RP1: variants seen among roughly 807,000 people sequenced by gnomAD.
RP1 encodes the protein oxygen-regulated protein 1.
Under a neutral mutation model 14.8 loss-of-function variants are expected in RP1, and 16 were observed. The ratio of observed to expected loss-of-function variants is 1.08; its 90% confidence interval spans 0.73 to 1.65. RP1 has a LOEUF of 1.65. RP1 is among the 40% of genes most tolerant of loss of function. The pLI is 0.00. For missense variants in RP1, 2,631 were observed against 2,535.0 expected, an observed-to-expected ratio of 1.04 and a Z score of -0.81; for synonymous variants, 876 against 883.6, an observed-to-expected ratio of 0.99 and a Z score of 0.15.
At chr8:54,652,047 G>T (rs1024524058) in intron 4 of RP1, among the ~76,000 whole-genome samples, 4 of 146,914 alleles carry the variant, frequency 2.7e-5, no homozygotes, top group African/African-American at 1.0e-4. Context: ...TATCTCTCTC[G>T]CACAGGCTGG....
intron 16 of RP1, chr8:54,726,253 A>C: frequency 7.3e-7 from 1 of 1,364,136 alleles, no homozygotes; most frequent in Admixed American, 3.1e-5. Context: ...CAATAGCAAA[A>C]ATTAAACTTG....
downstream of RP1, among the ~76,000 whole-genome samples, chr8:54,635,061 A>G (rs1302423162): frequency 3.3e-5 from 5 of 151,746 alleles, no homozygotes; most frequent in African/African-American, 1.2e-4. Flanking sequence ...CAGCCTGGGC[A>G]ACAGAGCGAG....
At chr8:54,748,785 G>C (rs981774870) in intron 19 of RP1, among the ~76,000 whole-genome samples, 2 of 152,078 alleles carry the variant, frequency 1.3e-5, no homozygotes, top group African/African-American at 4.8e-5. Flanking sequence ...GTGACTATTT[G>C]CCTTTATTTT....
At chr8:54,734,128 C>T (rs1808856475) in intron 17 of RP1, among the ~76,000 whole-genome samples, 1 of 152,080 alleles carries the variant, frequency 6.6e-6, no homozygotes, top group Non-Finnish European at 1.5e-5. Context: ...TTGCCACTTA[C>T]CTATTTTATG....
intron 3 of RP1, among the ~76,000 whole-genome samples, chr8:54,642,587 A>C (rs1268815041): frequency 7.9e-5 from 12 of 152,122 alleles, no homozygotes; most frequent in Non-Finnish European, 1.5e-5. Context: ...TGTGTGTTGC[A>C]CTGAGTCAAA....
At chr8:54,681,482 TTGTGTGTGTGTGTGTG>T (rs3049538) in intron 12 of RP1, among the ~76,000 whole-genome samples, 231 of 141,778 alleles carry the variant, frequency 1.6e-3, no homozygotes, top group African/African-American at 5.3e-3. Flanking sequence ...ATTTTTTGAT[TTGTGTGTGTGTGTGTG>T]TGTGTGTGTG....
chr8:54,863,286 C>T (rs144893884), intron 27 of RP1, among the ~76,000 whole-genome samples: 2 of 151,984 alleles, frequency 1.3e-5, no homozygotes, highest in Admixed American at 6.5e-5. Context: ...GTATTTAGTA[C>T]AGTAACACGC....
chr8:54,747,881 A>G (rs1193288981), intron 19 of RP1, among the ~76,000 whole-genome samples: 1 of 152,270 alleles, frequency 6.6e-6, no homozygotes, highest in East Asian at 1.9e-4. Context: ...CAGAATTAGT[A>G]GCGAGATAAG....
At chr8:54,827,964 T>C (rs6473951) in intron 24 of RP1, among the ~76,000 whole-genome samples, 114,839 of 151,808 alleles carry the variant, frequency 0.76, 44,162 homozygotes, top group African/African-American at 0.91. Flanking sequence ...AAGATATAGA[T>C]GGACACATTA....
In RP1 at chr8:54,696,506, G is replaced by GCAA; in HGVS notation, c.1718-2960_1718-2958dup. ...CACCCAGGCAAAGCAGGCACTTTTG[G>GCAA]CAAAGAAGGAGCAGAGGAAAGGAAA... On this transcript the variant is annotated intron_variant, in intron 12 of 22. Transcript: ENST00000636932. 5.7e-6 allele frequency: 5 copies of GCAA among 873,674 alleles called. No individual in the cohort carries two copies. The South Asian group carries it at 6.8e-5, about 12-fold the overall frequency. 54.1% of individuals were successfully genotyped at this position (873,674 alleles called of 1,614,324 possible). A position where few individuals can be genotyped will look rare whatever the true frequency, so the allele number is the denominator to read the frequency against.
chr8:54,856,234 GA>G (rs1812195720), intron 26 of RP1, among the ~76,000 whole-genome samples: 1 of 152,144 alleles, frequency 6.6e-6, no homozygotes, highest in Admixed American at 6.5e-5. Flanking sequence ...TATGGTCCCA[GA>G]CAAGGCAAAA....
intron 24 of RP1, among the ~76,000 whole-genome samples, chr8:54,787,183 T>C (rs1810339475): frequency 6.6e-6 from 1 of 152,130 alleles, no homozygotes; most frequent in South Asian, 2.1e-4. Flanking sequence ...GCACCTAGAA[T>C]GTCACTAAGA....
At chr8:54,823,113 C>A (rs1219735992) in intron 24 of RP1, among the ~76,000 whole-genome samples, 1 of 152,052 alleles carries the variant, frequency 6.6e-6, no homozygotes, top group African/African-American at 2.4e-5. Context: ...TGACTCCCCG[C>A]CGCCCCCTCA....
chr8:54,781,910 T>G (rs1810198568), intron 23 of RP1, among the ~76,000 whole-genome samples: 1 of 152,152 alleles, frequency 6.6e-6, no homozygotes, highest in Non-Finnish European at 1.5e-5. Flanking sequence ...AATGGTTCCT[T>G]GCTATTTGCC....
exon 19 of RP1, chr8:54,739,000 A>T (rs1190935088): frequency 6.5e-7 from 1 of 1,531,754 alleles, no homozygotes; most frequent in Non-Finnish European, 8.7e-7. Flanking sequence ...TGATGGAACC[A>T]GTGAGCAACC....
At chr8:54,768,278 A>G (rs1330374314) in intron 22 of RP1, among the ~76,000 whole-genome samples, 1 of 151,982 alleles carries the variant, frequency 6.6e-6, no homozygotes, top group African/African-American at 2.4e-5. Context: ...ATTCCTTTGC[A>G]CTTCCCCATT....
chr8:54,671,061 T>A (rs1807169216), intron 7 of RP1, among the ~76,000 whole-genome samples: 5 of 152,076 alleles, frequency 3.3e-5, no homozygotes, highest in Admixed American at 3.3e-4. Flanking sequence ...TTTGTTTATC[T>A]GGGAAAGTCT....
At chr8:54,693,027 T>C (rs1388984780) in intron 12 of RP1, among the ~76,000 whole-genome samples, 1 of 152,224 alleles carries the variant, frequency 6.6e-6, no homozygotes. Context: ...GTTTCAGCTT[T>C]CTACATATGG....
downstream of RP1, among the ~76,000 whole-genome samples, chr8:54,770,523 T>C (rs554060934): frequency 4.6e-5 from 7 of 150,892 alleles, no homozygotes; most frequent in South Asian, 1.5e-3. Flanking sequence ...TATTTAAAAG[T>C]GTGGTTACTT....
Sources: gnomAD v4.1 joint callset for allele counts (sites outside exome capture counted in the v4.1 genomes callset) on GRCh38, gnomAD v4.1.1 for gene constraint, MANE v1.5 for transcripts, NCBI Gene and HGNC (gene_info 2026-07-23, HGNC 2026-07-21) for gene names.